The following MALRD1 variants were observed in gnomAD, a reference collection of about 807,000 sequenced individuals.
MALRD1 encodes MAM and LDL-receptor class A domain-containing protein 1.
Under a neutral mutation model 242.1 loss-of-function variants are expected in MALRD1, and 247 were observed. That is an observed-to-expected ratio of 1.02 (90% CI 0.92 to 1.13). The LOEUF is 1.13. MALRD1 is among the 50% of genes most tolerant of loss of function. MALRD1 has a pLI of 0.00. For missense variants in MALRD1, 2,989 were observed against 2,533.1 expected, an observed-to-expected ratio of 1.18 and a Z score of -3.86; for synonymous variants, 995 against 866.6, an observed-to-expected ratio of 1.15 and a Z score of -2.60.
At chr10:19,389,672 C>T (rs931891855) in intron 28 of MALRD1, 63 bp downstream of exon 28, 41 of 1,488,318 alleles carry the variant, frequency 2.8e-5, no homozygotes, top group Non-Finnish European at 3.4e-5. Flanking sequence ...CAGGGTCTTG[C>T]TCTGTCACTC....
At chr10:19,278,385 CTG>C (rs1209046594) in intron 19 of MALRD1, among the ~76,000 whole-genome samples, 1 of 152,132 alleles carries the variant, frequency 6.6e-6, no homozygotes, top group African/African-American at 2.4e-5. Flanking sequence ...TTTCAATACA[CTG>C]TGAAATCTTC....
chr10:19,496,394 C>A (rs1284249085), intron 30 of MALRD1, among the ~76,000 whole-genome samples: 1 of 152,068 alleles, frequency 6.6e-6, no homozygotes, highest in Non-Finnish European at 1.5e-5. Context: ...GAAATCTATA[C>A]CAAGAAGATC....
chr10:19,178,448 T>G (rs1017262222), intron 14 of MALRD1, among the ~76,000 whole-genome samples: 1 of 152,178 alleles, frequency 6.6e-6, no homozygotes, highest in Non-Finnish European at 1.5e-5. Context: ...TGGAGCAGAA[T>G]GGCCAAAGGT....
chr10:19,275,526 T>G (rs917702219), intron 19 of MALRD1, among the ~76,000 whole-genome samples: 21 of 151,958 alleles, frequency 1.4e-4, no homozygotes, highest in Admixed American at 4.6e-4. Flanking sequence ...AAAATTAGCC[T>G]GGCGTGGTGG....
chr10:19,125,439 TTCTC>T (rs1240298698), intron 7 of MALRD1, among the ~76,000 whole-genome samples: 2 of 138,782 alleles, frequency 1.4e-5, no homozygotes, highest in African/African-American at 2.8e-5. Context: ...CTTTCTTTCT[TTCTC>T]TCTTTCAACA....
intron 18 of MALRD1, among the ~76,000 whole-genome samples, chr10:19,237,909 T>G (rs755074910): frequency 2.8e-5 from 2 of 71,506 alleles, no homozygotes; most frequent in Admixed American, 1.7e-4. Flanking sequence ...TAATTTTATA[T>G]AGTTATATAT....
chr10:19,554,323 G>T (rs1835618439), intron 32 of MALRD1, among the ~76,000 whole-genome samples: 1 of 152,048 alleles, frequency 6.6e-6, no homozygotes, highest in Admixed American at 6.6e-5. Flanking sequence ...GTCACGTGCT[G>T]AGAGCAGGAG....
intron 14 of MALRD1, among the ~76,000 whole-genome samples, chr10:19,199,319 A>G (rs929224144): frequency 2.6e-5 from 4 of 152,224 alleles, no homozygotes; most frequent in African/African-American, 7.2e-5. Flanking sequence ...AACACATAGC[A>G]TAATGCTTGG....
At position 19,572,200 on chromosome 10, in the gene MALRD1, T is replaced by G. The variant is rs753809074; in HGVS notation, c.5680+4497T>G. ...GCAACATTTTGTAAATGAGACAAAC[T>G]TGATGAAATAGAGCGTCTCCAGAAA... is the stretch of plus-strand genomic sequence containing the variant. On this transcript the variant is annotated intron_variant, in intron 33 of 39. Coordinates refer to ENST00000454679, the MANE Select transcript of MALRD1 (RefSeq NM_001142308.3). 3.9e-5 allele frequency among the ~76,000 whole-genome samples: 6 copies of G among 152,192 alleles called. No homozygotes were observed. In the South Asian group the frequency reaches 1.2e-3, roughly 32 times the overall value.
intron 17 of MALRD1, among the ~76,000 whole-genome samples, chr10:19,206,428 T>C (rs1301867726): frequency 1.3e-5 from 2 of 152,192 alleles, no homozygotes; most frequent in East Asian, 3.9e-4. Context: ...CTAAGGCCAA[T>C]TCATTTTTGC....
intron 26 of MALRD1, among the ~76,000 whole-genome samples, chr10:19,361,184 T>C (rs1844883213): frequency 6.6e-6 from 1 of 152,122 alleles, no homozygotes; most frequent in South Asian, 2.1e-4. Flanking sequence ...GTGTGGAACA[T>C]GTGAATATAT....
chr10:19,698,400 G>A (rs1833470522), intron 38 of MALRD1, among the ~76,000 whole-genome samples: 1 of 152,134 alleles, frequency 6.6e-6, no homozygotes, highest in African/African-American at 2.4e-5. Context: ...TAATAATTGG[G>A]GTCAGGCACA....
In MALRD1 at chr10:19,308,429, C is replaced by A. The variant is rs555431699; in HGVS notation, c.3420-15520C>A. ...AAAATACTAGGACCTTCTTTATATCCAGAAATAGAAAAAGAAGTAATAGAC... is the reference window on the plus strand; with the variant it reads ...AAAATACTAGGACCTTCTTTATATCAAGAAATAGAAAAAGAAGTAATAGAC... On this transcript the variant is annotated intron_variant, in intron 21 of 39. Coordinates refer to ENST00000454679, the MANE Select transcript of MALRD1 (RefSeq NM_001142308.3). Among the ~76,000 whole-genome samples the A allele has an allele frequency of 5.9e-5, 9 of 151,424 alleles. No homozygotes were observed. The South Asian group carries it at 1.9e-3, about 31-fold the overall frequency.
chr10:19,391,245 C>T (rs11009715), intron 28 of MALRD1, among the ~76,000 whole-genome samples: 18,222 of 152,160 alleles, frequency 0.12, 1,197 homozygotes, highest in South Asian at 0.16. Flanking sequence ...AACATACACA[C>T]ACACACACTT....
At chr10:19,513,461 C>T (rs946840934) in intron 31 of MALRD1, among the ~76,000 whole-genome samples, 4 of 150,996 alleles carry the variant, frequency 2.6e-5, no homozygotes, top group East Asian at 1.9e-4. Flanking sequence ...CCAACCTGGC[C>T]GGGCGTGGTG....
At chr10:19,288,923 A>G (rs1014932519) in intron 21 of MALRD1, among the ~76,000 whole-genome samples, 3 of 152,094 alleles carry the variant, frequency 2.0e-5, no homozygotes, top group Non-Finnish European at 4.4e-5. Context: ...GATTCACAAT[A>G]TCTTTAACAT....
intron 36 of MALRD1, among the ~76,000 whole-genome samples, chr10:19,616,542 A>G (rs545900837): frequency 6.6e-6 from 1 of 152,194 alleles, no homozygotes; most frequent in East Asian, 1.9e-4. Flanking sequence ...AAAACTCCAA[A>G]GGAAATGATG....
chr10:19,201,880 A>G (rs1266362679), intron 14 of MALRD1, among the ~76,000 whole-genome samples: 1 of 152,078 alleles, frequency 6.6e-6, no homozygotes, highest in African/African-American at 2.4e-5. Context: ...CAGTGGCAGG[A>G]TCTCAGCTCA....
intron 11 of MALRD1, among the ~76,000 whole-genome samples, chr10:19,147,838 C>T (rs114317313): frequency 2.0e-5 from 3 of 152,258 alleles, no homozygotes; most frequent in African/African-American, 7.2e-5. Context: ...TAAGGAATTA[C>T]TGAGAGAAGA....
Sources: allele counts gnomAD v4.1 joint callset (sites outside exome capture counted in the v4.1 genomes callset), GRCh38; gene constraint gnomAD v4.1.1; transcripts MANE v1.5; gene names NCBI Gene and HGNC (gene_info 2026-07-23, HGNC 2026-07-21).